Variants in AGPAT4 observed in about 807,000 individuals in gnomAD.
The protein encoded by AGPAT4 is 1-acylglycerol-3-phosphate O-acyltransferase 4.
A neutral mutation model predicts 48.0 loss-of-function variants in AGPAT4; 15 were observed. That is an observed-to-expected ratio of 0.31 (90% CI 0.21 to 0.48). The LOEUF (loss-of-function observed/expected upper bound fraction) is 0.48, where lower values mean the gene tolerates loss of function less well. AGPAT4 is among the 20% of genes least tolerant of loss of function. The pLI, the probability that AGPAT4 is intolerant of heterozygous loss-of-function variation, is 0.99. For missense variants in AGPAT4, 314 were observed against 482.5 expected (o/e 0.65, Z 3.27); for synonymous variants, 178 against 198.7 (o/e 0.90, Z 0.88).
intron 1 of AGPAT4, among the ~76,000 whole-genome samples, chr6:161,237,793 A>G (rs73019305): frequency 0.077 from 11,764 of 152,028 alleles, 741 homozygotes; most frequent in African/African-American, 0.18. Flanking sequence ...CATTCTGAGC[A>G]CAGAACTGGA....
chr6:161,172,847 A>T (rs540492247), intron 2 of AGPAT4, among the ~76,000 whole-genome samples: 10 of 151,328 alleles, frequency 6.6e-5, no homozygotes, highest in Admixed American at 4.6e-4. Flanking sequence ...CCTGTGTCCA[A>T]GTGTTCTCAT....
rs1781191729 is a variant in AGPAT4, at chr6:161,200,381, C to A, written c.178+31655G>T. 6.6e-6 allele frequency among the ~76,000 whole-genome samples: 1 copy of A among 152,210 alleles called. No individual in the cohort carries two copies. Among genetic ancestry groups the A allele is most frequent in the Non-Finnish European group, 1.5e-5 (1 of 68,030 alleles). On this transcript the variant is annotated intron_variant, in intron 2 of 8. Coordinates refer to ENST00000320285, the MANE Select transcript of AGPAT4 (RefSeq NM_020133.3). The surrounding 1 kb of genome is among the most constrained non-coding windows in gnomAD (Gnocchi z 5.5). ...CACAGTAAATGATGGAGTGCGCTGT[C>A]TGAATTCAGAGAGTTTTATCTTAAA...
In AGPAT4 at chr6:161,163,556, TC is replaced by T. The variant is rs549587182; in HGVS notation, c.348+2691del. Among the ~76,000 whole-genome samples the T allele has an allele frequency of 2.1e-3, 321 of 152,304 alleles. 2 individuals are homozygous for T. The highest frequency in any genetic ancestry group is 7.3e-3 in the African/African-American group (303 of 41,578). On this transcript the variant is annotated intron_variant, in intron 3 of 8. Transcript: ENST00000320285. ...GCTCTCCAGTAGATGGCAAAGCTGT[TC>T]CCTGTGACATGGGGAGGGGGTTCCC...
intron 2 of AGPAT4, among the ~76,000 whole-genome samples, chr6:161,172,182 G>A (rs765433201): frequency 3.9e-5 from 6 of 152,336 alleles, no homozygotes; most frequent in Middle Eastern, 3.4e-3. Flanking sequence ...ACCTCCTAGA[G>A]AAAAGCCCAG....
chr6:161,150,742 G>A lies in AGPAT4; in HGVS notation c.665-1453C>T, dbSNP rs1252272011. On this transcript the variant is annotated intron_variant, in intron 5 of 8. Coordinates refer to ENST00000320285, the MANE Select transcript of AGPAT4 (RefSeq NM_020133.3). ...TGAGGAGTAGCTGCCTGGTCAGGGT[G>A]GCTGGGAGAGAACCTGGATGCTTAT... Among the ~76,000 whole-genome samples the A allele has an allele frequency of 2.0e-5, 3 of 152,178 alleles. No individual in the cohort carries two copies. The South Asian group carries it at 6.2e-4, about 32-fold the overall frequency.
chr6:161,136,047 G>A lies in AGPAT4; in HGVS notation c.*493C>T, dbSNP rs538231846. The A allele has an allele frequency of 6.3e-6, 1 of 158,932 alleles. No homozygotes were observed. Among genetic ancestry groups the A allele is most frequent in the Admixed American group, 6.3e-5 (1 of 15,968 alleles). 9.8% of individuals were successfully genotyped at this position (158,932 alleles called of 1,614,324 possible). On this transcript the variant is annotated 3_prime_UTR_variant, in exon 9 of 9. Coordinates refer to ENST00000320285, the MANE Select transcript of AGPAT4 (RefSeq NM_020133.3). Reference sequence around the variant, plus strand: ...CGGGCAAGGGCAGGATGGAGGGGCAGCGGTCCATGTCAACATACACCACAG... The same window carrying A: ...CGGGCAAGGGCAGGATGGAGGGGCAACGGTCCATGTCAACATACACCACAG...
In AGPAT4 at chr6:161,153,425, C is replaced by T; in HGVS notation, c.585G>A (p.Lys195=). ...HEISMQVARA[K]GLPRLKHHLL... ...GGTGATGCTTGAGGCGAGGCAGCCC[C>T]TTGGCCCGGGCCACCTGCATGCTGA... The change falls in exon 5 of 9, where the codon AAG becomes AAA. Residue 195 remains lysine (K), a synonymous_variant. Coordinates refer to ENST00000320285, the MANE Select transcript of AGPAT4 (RefSeq NM_020133.3). The T allele has an allele frequency of 6.2e-7, 1 of 1,612,260 alleles. No individual in the cohort carries two copies. The highest frequency in any genetic ancestry group is 8.5e-7 in the Non-Finnish European group (1 of 1,179,306).
chr6:161,170,565 A>G (rs1780242279), intron 2 of AGPAT4, among the ~76,000 whole-genome samples: 1 of 151,720 alleles, frequency 6.6e-6, no homozygotes, highest in South Asian at 2.1e-4. Context: ...CTGATGTTTT[A>G]GTTGGATGTT....
At position 161,251,766 on chromosome 6, in the gene AGPAT4, A is replaced by C. The variant is rs768717933; in HGVS notation, c.-89-19464T>G. ...CATGGGAGACGTGCTCTTGATACAC[A>C]TAAGGGCATTGATAGTTTACAAATC... On this transcript the variant is annotated intron_variant, in intron 1 of 8. Transcript: ENST00000320285. The surrounding 1 kb of genome is among the most constrained non-coding windows in gnomAD (Gnocchi z 4.6). Among the ~76,000 whole-genome samples, 62 of 152,162 alleles carry C rather than the reference A, an allele frequency of 4.1e-4. No homozygotes were observed. Among genetic ancestry groups the C allele is most frequent in the Non-Finnish European group, 8.2e-4 (56 of 68,020 alleles).
chr6:161,152,415 G>A (rs565071205), intron 5 of AGPAT4, among the ~76,000 whole-genome samples: 121 of 152,286 alleles, frequency 7.9e-4, no homozygotes, highest in Admixed American at 2.9e-3. Context: ...GGCCAGCAGG[G>A]AGGGCTACCC....
Position 161,219,917 on chromosome 6 carries a change from G to A in AGPAT4, c.178+12119C>T, listed in dbSNP as rs4065209. 4.2e-5 allele frequency among the ~76,000 whole-genome samples: 1 copy of A among 23,764 alleles called. No homozygotes were observed. The highest frequency in any genetic ancestry group is 2.7e-3 in the South Asian group (1 of 366). The allele number at this position is 23,764 out of a possible 152,430, so 15.6% of individuals were successfully genotyped here. A position where few individuals can be genotyped will look rare whatever the true frequency, so the allele number is the denominator to read the frequency against. Reference sequence around the variant, plus strand: ...CAGGCAGGCAGGCAGGCAGGCAGGCGGCAGGCAGGCAGGCAGGCAGGCAGG... The same window carrying A: ...CAGGCAGGCAGGCAGGCAGGCAGGCAGCAGGCAGGCAGGCAGGCAGGCAGG... On this transcript the variant is annotated intron_variant, in intron 2 of 8. Coordinates refer to ENST00000320285, the MANE Select transcript of AGPAT4 (RefSeq NM_020133.3). This position sits in a 1 kb window ranked among gnomAD's most constrained non-coding sequence, Gnocchi z 4.9.
At chr6:161,153,536 G>A in intron 4 of AGPAT4, 37 bp from the exon 5 acceptor site, 1 of 1,604,338 alleles carries the variant, frequency 6.2e-7, no homozygotes, top group Non-Finnish European at 8.5e-7. Context: ...CGCAGCCTCG[G>A]GGTCACACAC....
rs1743213031 is a variant in AGPAT4, at chr6:161,171,484, A to G, written c.179-5067T>C. On this transcript the variant is annotated intron_variant, in intron 2 of 8. Transcript: ENST00000320285. This position sits in a 1 kb window ranked among gnomAD's most constrained non-coding sequence, Gnocchi z 4.4. ...TAAGGGAAAGCGGCTGAACTCATCC[A>G]CTTAGCAGGAACCCACTGACCCACT... 6.6e-6 allele frequency among the ~76,000 whole-genome samples: 1 copy of G among 152,204 alleles called. No homozygotes were observed. Among genetic ancestry groups the G allele is most frequent in the African/African-American group, 2.4e-5 (1 of 41,448 alleles).
chr6:161,151,187 TGA>T (rs1779583964), intron 5 of AGPAT4, among the ~76,000 whole-genome samples: 1 of 152,220 alleles, frequency 6.6e-6, no homozygotes, highest in East Asian at 1.9e-4. Context: ...ATGTACTGGC[TGA>T]GTCACACTGC....
In AGPAT4 at chr6:161,164,488, GT is replaced by G. The variant is rs1461685417; in HGVS notation, c.348+1759del. 5.3e-5 allele frequency among the ~76,000 whole-genome samples: 8 copies of G among 152,216 alleles called. No homozygotes were observed. Among genetic ancestry groups the G allele is most frequent in the Non-Finnish European group, 1.2e-4 (8 of 68,040 alleles). ...GTCCTTACTGCAGCTGGTCTGGGTC[GT>G]TTTAGGATGGTCAGGGTCCTGTTTC... On this transcript the variant is annotated intron_variant, in intron 3 of 8. Transcript: ENST00000320285. The surrounding 1 kb of genome is among the most constrained non-coding windows in gnomAD (Gnocchi z 7.4).
chr6:161,258,571 A>T (rs1226768500), intron 1 of AGPAT4, among the ~76,000 whole-genome samples: 1 of 152,080 alleles, frequency 6.6e-6, no homozygotes, highest in Non-Finnish European at 1.5e-5. Flanking sequence ...GTCCTAGAAA[A>T]CAGGAGAGTT....
At position 161,134,273 on chromosome 6, in the gene AGPAT4, T is replaced by G. The variant is rs1484453587; in HGVS notation, c.*2267A>C. On this transcript the variant is annotated 3_prime_UTR_variant, in exon 9 of 9. Coordinates refer to ENST00000320285, the MANE Select transcript of AGPAT4 (RefSeq NM_020133.3). ...CCAAGGCCCTAGCAGGCAGGCTGTT[T>G]GCTTGCTTGTGTGTTGTGTGATACC... 6.6e-6 allele frequency: 1 copy of G among 152,198 alleles called. No individual in the cohort carries two copies. Among genetic ancestry groups the G allele is most frequent in the East Asian group, 1.9e-4 (1 of 5,192 alleles). 9.4% of individuals were successfully genotyped at this position (152,198 alleles called of 1,614,324 possible). A position where few individuals can be genotyped will look rare whatever the true frequency, so the allele number is the denominator to read the frequency against.
rs546616976 is a variant in AGPAT4, at chr6:161,139,977, A to G, written c.844-357T>C. Among the ~76,000 whole-genome samples the G allele has an allele frequency of 1.3e-5, 2 of 152,336 alleles. No individual in the cohort carries two copies. The highest frequency in any genetic ancestry group is 2.9e-5 in the Non-Finnish European group (2 of 68,022). ...GCCCCAGTCTGTCTAATGGGGCAGCAGTGCCTTCCACGATAGGTCGGCGGG... is the reference window on the plus strand; with the variant it reads ...GCCCCAGTCTGTCTAATGGGGCAGCGGTGCCTTCCACGATAGGTCGGCGGG... On this transcript the variant is annotated intron_variant, in intron 7 of 8. Transcript: ENST00000320285. The surrounding 1 kb of genome is among the most constrained non-coding windows in gnomAD (Gnocchi z 9.1).
rs377234244 is a variant in AGPAT4, at chr6:161,161,797, G to T, written c.348+4451C>A. 4 of 295,486 alleles carry T rather than the reference G, an allele frequency of 1.4e-5. No homozygotes were observed. The highest frequency in any genetic ancestry group is 1.6e-4 in the East Asian group (2 of 12,614). The allele number at this position is 295,486 out of a possible 1,614,324, so 18.3% of individuals were successfully genotyped here. On this transcript the variant is annotated intron_variant, in intron 3 of 8. Transcript: ENST00000320285. This position sits in a 1 kb window ranked among gnomAD's most constrained non-coding sequence, Gnocchi z 4.6. ...CACTCACTGGACACGTATTTTGAAGGTATATCAATTGCTATCGTTGTCATG... is the reference window on the plus strand; with the variant it reads ...CACTCACTGGACACGTATTTTGAAGTTATATCAATTGCTATCGTTGTCATG...
Sources: allele counts gnomAD v4.1 joint callset (sites outside exome capture counted in the v4.1 genomes callset), GRCh38; gene constraint gnomAD v4.1.1; non-coding constraint Gnocchi (gnomAD v3.1); transcripts MANE v1.5; gene names NCBI Gene and HGNC (gene_info 2026-07-23, HGNC 2026-07-21).